The following MSRA variants were observed in gnomAD, a reference collection of about 807,000 sequenced individuals.
MSRA encodes the protein mitochondrial peptide methionine sulfoxide reductase.
In MSRA, 54 loss-of-function variants were observed where a neutral mutation model predicts 31.3. The observed-to-expected ratio is 1.73, with a 90% CI of 1.39 to 2.17. MSRA has a LOEUF of 2.17. Ranked by LOEUF, MSRA falls within the 30% of genes most tolerant of loss-of-function variation. MSRA has a pLI of 0.00. For missense variants in MSRA, 507 were observed against 300.9 expected, an observed-to-expected ratio of 1.69 and a Z score of -5.07; for synonymous variants, 169 against 116.5, an observed-to-expected ratio of 1.45 and a Z score of -2.90.
intron 1 of MSRA, among the ~76,000 whole-genome samples, 177 bp from the exon 2 acceptor site, chr8:10,207,656 C>G (rs1326130804): frequency 6.6e-6 from 1 of 152,194 alleles, no homozygotes; most frequent in Admixed American, 6.5e-5. Flanking sequence ...TAGATGATCT[C>G]TAGGCCCTTC....
intron 5 of MSRA, among the ~76,000 whole-genome samples, chr8:10,421,078 G>A (rs1300446631): frequency 1.3e-5 from 2 of 152,104 alleles, no homozygotes; most frequent in African/African-American, 4.8e-5. Flanking sequence ...GATGTGAGCT[G>A]GGTAGGGAGA....
At chr8:10,380,485 T>A (rs1806000182) in intron 5 of MSRA, among the ~76,000 whole-genome samples, 1 of 152,216 alleles carries the variant, frequency 6.6e-6, no homozygotes, top group African/African-American at 2.4e-5. Flanking sequence ...AAGGGACTTA[T>A]GAGAAATGCT....
intron 1 of MSRA, among the ~76,000 whole-genome samples, chr8:10,068,749 G>C (rs1237598650): frequency 1.3e-5 from 2 of 152,106 alleles, no homozygotes; most frequent in African/African-American, 4.8e-5. Context: ...TTAATATTGA[G>C]TTAGCTATTC....
intron 5 of MSRA, among the ~76,000 whole-genome samples, chr8:10,401,515 G>A (rs1807462585): frequency 6.6e-6 from 1 of 152,196 alleles, no homozygotes; most frequent in South Asian, 2.1e-4. Flanking sequence ...AGTTCCTCAA[G>A]GAGTTAAACG....
chr8:10,171,769 GA>G, intron 1 of MSRA, among the ~76,000 whole-genome samples: 1 of 152,306 alleles, frequency 6.6e-6, no homozygotes, highest in Non-Finnish European at 1.5e-5. Context: ...GGTGGTAGTG[GA>G]ATTTGTACAA....
At chr8:10,284,692 A>C (rs538942644) in intron 3 of MSRA, among the ~76,000 whole-genome samples, 1 of 152,118 alleles carries the variant, frequency 6.6e-6, no homozygotes, top group Non-Finnish European at 1.5e-5. Context: ...CTGGAGCTAC[A>C]TTATGGAGGT....
At chr8:10,069,821 G>C (rs1003847155) in intron 1 of MSRA, among the ~76,000 whole-genome samples, 3 of 152,218 alleles carry the variant, frequency 2.0e-5, no homozygotes, top group Non-Finnish European at 4.4e-5. Flanking sequence ...TCAGGTTAAA[G>C]AAGTTCTCTA....
At chr8:10,192,429 A>C (rs1807588918) in intron 1 of MSRA, among the ~76,000 whole-genome samples, 1 of 152,152 alleles carries the variant, frequency 6.6e-6, no homozygotes, top group Non-Finnish European at 1.5e-5. Context: ...CCTTGATTGC[A>C]TGTTTGTGGG....
In MSRA at chr8:10,054,613, C is replaced by G; in HGVS notation, c.97C>G (p.Pro33Ala). 6.3e-7 allele frequency: 1 copy of G among 1,577,708 alleles called. No homozygotes were observed. Among genetic ancestry groups the G allele is most frequent in the East Asian group, 2.5e-5 (1 of 39,822 alleles). ...MGNSASNIVS[P>A]QEALPGRKEQ... is the part of the protein sequence containing the mutation. ...CAACTCGGCCTCGAACATCGTCAGC[C>G]CCCAGGAGGCCTTGCCGGGCCGGAA... The change falls in exon 1 of 6, where the codon CCC (proline) becomes GCC (alanine). Residue 33 changes from proline to alanine, a missense_variant. Physicochemically the swap from Pro to Ala is conservative, Grantham distance 27 (BLOSUM62 -1). Coordinates refer to ENST00000317173, the MANE Select transcript of MSRA (RefSeq NM_012331.5).
intron 2 of MSRA, among the ~76,000 whole-genome samples, chr8:10,229,734 A>G (rs1433620331): frequency 1.3e-5 from 2 of 152,148 alleles, no homozygotes; most frequent in African/African-American, 4.8e-5. Context: ...AGTACAGAGA[A>G]TTTGCCTGAG....
At chr8:10,412,447 A>G (rs575642689) in intron 5 of MSRA, among the ~76,000 whole-genome samples, 6 of 152,376 alleles carry the variant, frequency 3.9e-5, no homozygotes, top group African/African-American at 1.4e-4. Flanking sequence ...ACCTGCAGAG[A>G]TATTACATGT....
chr8:10,099,019 G>C (rs1283737841), intron 1 of MSRA, among the ~76,000 whole-genome samples: 2 of 152,204 alleles, frequency 1.3e-5, no homozygotes, highest in African/African-American at 4.8e-5. Flanking sequence ...CCCTTTGAAA[G>C]AAGGTTTGCT....
chr8:10,332,170 C>A (rs575420402), intron 5 of MSRA, among the ~76,000 whole-genome samples: 1 of 152,182 alleles, frequency 6.6e-6, no homozygotes, highest in Non-Finnish European at 1.5e-5. Flanking sequence ...CATCCCTTCT[C>A]GGTCTGTTGT....
chr8:10,221,007 G>A (rs1039948694), intron 2 of MSRA, among the ~76,000 whole-genome samples: 1 of 152,198 alleles, frequency 6.6e-6, no homozygotes, highest in Admixed American at 6.5e-5. Flanking sequence ...TGCCTGGCGG[G>A]TGTGTCTTTG....
chr8:10,197,448 A>G (rs1447946738), intron 1 of MSRA, among the ~76,000 whole-genome samples: 3 of 152,138 alleles, frequency 2.0e-5, no homozygotes, highest in African/African-American at 7.2e-5. Flanking sequence ...GTCAACACAG[A>G]GGCATGTGTT....
chr8:10,310,349 T>A (rs1801367941), intron 4 of MSRA, among the ~76,000 whole-genome samples: 1 of 152,244 alleles, frequency 6.6e-6, no homozygotes, highest in Admixed American at 6.5e-5. Context: ...AGAATTTAAC[T>A]GATATTTTTA....
intron 4 of MSRA, among the ~76,000 whole-genome samples, chr8:10,316,674 C>A (rs973496217): frequency 6.6e-6 from 1 of 151,788 alleles, no homozygotes; most frequent in Non-Finnish European, 1.5e-5. Flanking sequence ...TAAAAATGAG[C>A]TGTCAGTTAA....
chr8:10,155,529 G>A (rs1323545401), intron 1 of MSRA, among the ~76,000 whole-genome samples: 3 of 152,158 alleles, frequency 2.0e-5, no homozygotes, highest in Admixed American at 2.0e-4. Flanking sequence ...GCCATTATGA[G>A]CATCTCTCAT....
In MSRA at chr8:10,424,004, T is replaced by C. The variant is rs113472936; in HGVS notation, c.544-4144T>C. Among the ~76,000 whole-genome samples the C allele has an allele frequency of 4.3e-3, 657 of 152,204 alleles. 6 individuals are homozygous for C. Among genetic ancestry groups the C allele is most frequent in the African/African-American group, 0.014 (594 of 41,540 alleles). On this transcript the variant is annotated intron_variant, in intron 5 of 5. Coordinates refer to ENST00000317173, the MANE Select transcript of MSRA (RefSeq NM_012331.5). Reference sequence around the variant, plus strand: ...ACAGTCCTGGGTAGTGGAAGTGGCTTGGAGAACAGAAGGGTTTTTGTAATG... The same window carrying C: ...ACAGTCCTGGGTAGTGGAAGTGGCTCGGAGAACAGAAGGGTTTTTGTAATG...
Sources: allele counts gnomAD v4.1 joint callset (sites outside exome capture counted in the v4.1 genomes callset), GRCh38; gene constraint gnomAD v4.1.1; transcripts MANE v1.5; gene names NCBI Gene and HGNC (gene_info 2026-07-23, HGNC 2026-07-21).